The following STK32B variants were observed in gnomAD, a reference collection of about 807,000 sequenced individuals.
STK32B encodes the protein serine/threonine-protein kinase 32B.
A neutral mutation model predicts 52.6 loss-of-function variants in STK32B; 43 were observed. The observed-to-expected ratio is 0.82, with a 90% CI of 0.64 to 1.05. The LOEUF is 1.05. STK32B is among the 50% of genes least tolerant of loss of function. STK32B has a pLI of 0.00. For synonymous variants in STK32B, 238 were observed against 204.3 expected, an observed-to-expected ratio of 1.17 and a Z score of -1.41; for missense variants, 621 against 534.6, an observed-to-expected ratio of 1.16 and a Z score of -1.59.
chr4:5,261,157 C>T (rs1159567619), intron 3 of STK32B, among the ~76,000 whole-genome samples: 1 of 152,112 alleles, frequency 6.6e-6, no homozygotes, highest in Admixed American at 6.5e-5. Context: ...GTCCGGGTAG[C>T]ACATCATGAC....
intron 6 of STK32B, among the ~76,000 whole-genome samples, chr4:5,424,701 T>C (rs1019860738): frequency 3.3e-5 from 5 of 152,242 alleles, no homozygotes; most frequent in African/African-American, 1.2e-4. Context: ...GTTGTCCATG[T>C]ACCTCATTCT....
intron 3 of STK32B, among the ~76,000 whole-genome samples, chr4:5,316,984 A>G (rs1479988686): frequency 3.5e-5 from 1 of 28,512 alleles, no homozygotes; most frequent in Non-Finnish European, 5.1e-5. Context: ...TATAATATAT[A>G]ATATATATGA....
At chr4:5,420,979 A>G (rs1323777010) in intron 6 of STK32B, among the ~76,000 whole-genome samples, 1 of 152,178 alleles carries the variant, frequency 6.6e-6, no homozygotes. Context: ...GGCTCACTGC[A>G]ACCTCTGCCT....
At position 5,491,292 on chromosome 4, in the gene STK32B, TC is replaced by T. The variant is rs200775548; in HGVS notation, c.1107-7652del. Among the ~76,000 whole-genome samples the T allele has an allele frequency of 4.8e-4, 73 of 152,348 alleles. No homozygotes were observed. The East Asian group carries it at 0.014, about 29-fold the overall frequency. On this transcript the variant is annotated intron_variant, in intron 11 of 11. Coordinates refer to ENST00000282908, the MANE Select transcript of STK32B (RefSeq NM_018401.3). ...TAACTAACTGGTGTGAGATGGTATCTCATTGTGGTTTTGATTTGCATTTCTC... is the reference window on the plus strand; with the variant it reads ...TAACTAACTGGTGTGAGATGGTATCTATTGTGGTTTTGATTTGCATTTCTC...
chr4:5,177,748 C>A (rs1437471422), intron 3 of STK32B, among the ~76,000 whole-genome samples: 1 of 152,170 alleles, frequency 6.6e-6, no homozygotes, highest in Admixed American at 6.5e-5. Context: ...GCTACATGCC[C>A]CACACAAGTC....
intron 6 of STK32B, chr4:5,436,513 A>C: frequency 1.2e-6 from 1 of 832,380 alleles, no homozygotes; most frequent in Non-Finnish European, 1.4e-6. Flanking sequence ...CAGAAAACTG[A>C]CTCTCTGGTC....
At chr4:5,156,624 C>G (rs140478639) in intron 2 of STK32B, among the ~76,000 whole-genome samples, 4 of 152,330 alleles carry the variant, frequency 2.6e-5, no homozygotes, top group African/African-American at 4.8e-5. Context: ...TGGGAGGACT[C>G]TGAGGAGTGA....
At chr4:5,302,799 T>C (rs552257058) in intron 3 of STK32B, among the ~76,000 whole-genome samples, 151 of 152,018 alleles carry the variant, frequency 9.9e-4, no homozygotes, top group South Asian at 3.3e-3. Context: ...GTATCATTCT[T>C]ATTCCTTTGC....
At chr4:5,088,527 A>C (rs185110079) in intron 1 of STK32B, among the ~76,000 whole-genome samples, 45 of 152,298 alleles carry the variant, frequency 3.0e-4, no homozygotes, top group African/African-American at 1.0e-3. Context: ...TGATGTGATT[A>C]TTAATACCTA....
At position 5,398,396 on chromosome 4, in the gene STK32B, G is replaced by A. The variant is rs1737061471; in HGVS notation, c.472+152G>A. On this transcript the variant is annotated intron_variant, in intron 5 of 11. Transcript: ENST00000282908. This position sits in a 1 kb window ranked among gnomAD's most constrained non-coding sequence, Gnocchi z 4.9. The stretch of plus-strand genomic sequence containing the variant: ...TTTCAATCCTGGTGGATCAACATCT[G>A]TGTAAATTTCTGGTCCATGTCCTGC... The A allele has an allele frequency of 3.7e-6, 3 of 805,074 alleles. No individual in the cohort carries two copies. The highest frequency in any genetic ancestry group is 1.7e-5 in the African/African-American group (1 of 57,970). 49.9% of individuals were successfully genotyped at this position (805,074 alleles called of 1,614,324 possible). A position where few individuals can be genotyped will look rare whatever the true frequency, so the allele number is the denominator to read the frequency against.
chr4:5,044,874 G>A, the STK32B span, among the ~76,000 whole-genome samples: 1 of 152,172 alleles, frequency 6.6e-6, no homozygotes, highest in African/African-American at 2.4e-5. Flanking sequence ...TTGTGCCACT[G>A]CACTCCAGCC....
intron 4 of STK32B, among the ~76,000 whole-genome samples, chr4:5,366,621 G>C (rs974505776): frequency 6.6e-6 from 1 of 152,222 alleles, no homozygotes; most frequent in Non-Finnish European, 1.5e-5. Context: ...CCAGTCACCC[G>C]GCCCAGGCGA....
intron 6 of STK32B, among the ~76,000 whole-genome samples, chr4:5,418,185 G>A (rs749181518): frequency 2.0e-5 from 3 of 152,206 alleles, no homozygotes; most frequent in African/African-American, 4.8e-5. Context: ...TTGAAACGTA[G>A]GCTATAGTTT....
chr4:5,166,428 C>T (rs1718874405), intron 2 of STK32B, among the ~76,000 whole-genome samples: 1 of 149,976 alleles, frequency 6.7e-6, no homozygotes, highest in Non-Finnish European at 1.5e-5. Flanking sequence ...AGAATGTGGC[C>T]TTCTTTGGAA....
intron 4 of STK32B, 101 bp downstream of exon 4, chr4:5,331,494 G>A: frequency 1.5e-6 from 2 of 1,303,280 alleles, no homozygotes; most frequent in East Asian, 2.4e-5. Context: ...CCTTGACATG[G>A]TTTAAAAGTG....
chr4:5,020,734 G>T, the STK32B span, among the ~76,000 whole-genome samples: 1 of 61,114 alleles, frequency 1.6e-5, no homozygotes, highest in Non-Finnish European at 4.0e-5. Flanking sequence ...AGAAGGAACT[G>T]TCAAAAGGGA....
chr4:5,442,714 T>A (rs1199775622), intron 6 of STK32B, among the ~76,000 whole-genome samples: 5 of 152,224 alleles, frequency 3.3e-5, no homozygotes, highest in African/African-American at 1.2e-4. Flanking sequence ...GGTCTTTACA[T>A]TTTGGCATGA....
intron 4 of STK32B, among the ~76,000 whole-genome samples, chr4:5,368,138 T>C (rs146944091): frequency 9.5e-4 from 144 of 152,056 alleles, no homozygotes; most frequent in African/African-American, 3.3e-3. Flanking sequence ...GTTCGTCCTT[T>C]TGCTGTTGGG....
In STK32B at chr4:5,402,822, G is replaced by A. The variant is rs535709826; in HGVS notation, c.472+4578G>A. The stretch of plus-strand genomic sequence containing the variant: ...GACAGAGCAAGCATGGGGCTGTGGG[G>A]CAGCAGAAGGTGGCTGAGGCCAGGA... On this transcript the variant is annotated intron_variant, in intron 5 of 11. Transcript: ENST00000282908. Among the ~76,000 whole-genome samples the A allele has an allele frequency of 2.4e-4, 36 of 152,202 alleles. 1 individual carries two copies. Among genetic ancestry groups the A allele is most frequent in the Admixed American group, 5.2e-4 (8 of 15,288 alleles).
Sources: allele counts gnomAD v4.1 joint callset (sites outside exome capture counted in the v4.1 genomes callset), GRCh38; gene constraint gnomAD v4.1.1; non-coding constraint Gnocchi (gnomAD v3.1); transcripts MANE v1.5; gene names NCBI Gene and HGNC (gene_info 2026-07-23, HGNC 2026-07-21).